PTPA: variants seen among roughly 807,000 people sequenced by gnomAD.
PTPA encodes serine/threonine-protein phosphatase 2A activator.
Under a neutral mutation model 43.6 loss-of-function variants are expected in PTPA, and 13 were observed. The observed-to-expected ratio is 0.30, with a 90% confidence interval of 0.19 to 0.47. The LOEUF (loss-of-function observed/expected upper bound fraction) is 0.47. Among genes scored for constraint, PTPA ranks in the 20% least tolerant of loss-of-function variants. PTPA has a pLI of 0.99. For synonymous variants in PTPA, 172 were observed against 158.2 expected (o/e 1.09, Z -0.66); for missense variants, 329 against 411.9 (o/e 0.80, Z 1.74).
chr9:129,131,838 C>G (rs1437593199), intron 5 of PTPA, among the ~76,000 whole-genome samples, 199 bp downstream of exon 5: 1 of 152,226 alleles, frequency 6.6e-6, no homozygotes, highest in East Asian at 1.9e-4. Flanking sequence ...CCGGATGCTG[C>G]AGCTCTGCTG....
intron 6 of PTPA, 28 bp downstream of exon 6, chr9:129,134,922 G>C (rs748652436): frequency 6.4e-7 from 1 of 1,569,130 alleles, no homozygotes; most frequent in Non-Finnish European, 8.8e-7. Flanking sequence ...AGGGTTGGAG[G>C]AGGGGGCGTG....
chr9:129,123,869 G>C (rs1308431854), intron 3 of PTPA, among the ~76,000 whole-genome samples: 2 of 152,002 alleles, frequency 1.3e-5, no homozygotes, highest in Non-Finnish European at 2.9e-5. Flanking sequence ...TTTTAGTAGA[G>C]ACGGGGTTTC....
intron 9 of PTPA, chr9:129,143,496 C>G (rs1851053647): frequency 2.6e-5 from 18 of 699,270 alleles, no homozygotes; most frequent in South Asian, 2.4e-4. Context: ...CCCAGAGCTT[C>G]CTGGATCCCA....
At chr9:129,142,955 C>T in intron 9 of PTPA, 1 of 1,404,182 alleles carries the variant, frequency 7.1e-7, no homozygotes, top group Non-Finnish European at 9.3e-7. Context: ...GAGGCATCTC[C>T]AAAGTGCTGC....
At chr9:129,145,341 A>G (rs1235015906) in intron 9 of PTPA, among the ~76,000 whole-genome samples, 2 of 152,170 alleles carry the variant, frequency 1.3e-5, no homozygotes, top group African/African-American at 2.4e-5. Context: ...GAAAAAAAAA[A>G]AAAAAGATCA....
At chr9:129,125,633 A>C (rs780140733) in intron 3 of PTPA, among the ~76,000 whole-genome samples, 2 of 152,092 alleles carry the variant, frequency 1.3e-5, no homozygotes, top group Non-Finnish European at 2.9e-5. Context: ...CTAGTTTCAT[A>C]ACTTGTGAAT....
At chr9:129,136,794 G>T (rs930222516) in intron 7 of PTPA, among the ~76,000 whole-genome samples, 199 bp downstream of exon 7, 1 of 152,258 alleles carries the variant, frequency 6.6e-6, no homozygotes, top group Non-Finnish European at 1.5e-5. Flanking sequence ...CCGTGTGGTG[G>T]GCTGGAGGAG....
intron 3 of PTPA, among the ~76,000 whole-genome samples, chr9:129,126,724 G>C (rs1481551760): frequency 6.6e-6 from 1 of 152,130 alleles, no homozygotes; most frequent in Non-Finnish European, 1.5e-5. Context: ...GTTGTTCTTT[G>C]TGCCTCGAAG....
intron 9 of PTPA, among the ~76,000 whole-genome samples, chr9:129,145,995 T>G (rs1851273545): frequency 6.6e-6 from 1 of 150,796 alleles, no homozygotes; most frequent in Non-Finnish European, 1.5e-5. Flanking sequence ...TGGGGTCCTG[T>G]GGGCAGAATG....
At chr9:129,146,179 G>A (rs1301708634) in intron 9 of PTPA, among the ~76,000 whole-genome samples, 2 of 152,158 alleles carry the variant, frequency 1.3e-5, no homozygotes, top group Admixed American at 1.3e-4. Context: ...CCTCTGGCCT[G>A]GATCTGCGGC....
At chr9:129,118,246 G>T (rs1404368515) in intron 1 of PTPA, among the ~76,000 whole-genome samples, 1 of 151,292 alleles carries the variant, frequency 6.6e-6, no homozygotes, top group Non-Finnish European at 1.5e-5. Context: ...TAGAGATGGG[G>T]TTTCACCTTG....
At chr9:129,142,980 G>C (rs1851003650) in intron 9 of PTPA, 2 of 1,334,980 alleles carry the variant, frequency 1.5e-6, no homozygotes, top group South Asian at 1.5e-5. Flanking sequence ...AAATGTTAGT[G>C]TGTATGATCA....
chr9:129,137,678 C>T lies in PTPA; in HGVS notation c.772C>T (p.Leu258=). 2.5e-6 allele frequency: 4 copies of T among 1,606,278 alleles called. No homozygotes were observed. The highest frequency in any genetic ancestry group is 3.4e-6 in the Non-Finnish European group (4 of 1,175,098). Residue 258 remains leucine (L), a synonymous_variant, in exon 8 of 10, where the codon CTG becomes TTG. Coordinates refer to ENST00000393370, the MANE Select transcript of PTPA (RefSeq NM_178000.3). ...HKDYMFLECI[L]FITEMKTGPF... is the part of the protein sequence containing the mutation. ...GGACTACATGTTCCTGGAGTGTATCCTGTTTATTACCGAGGTGAGGAGGAG... is the reference window on the plus strand; with the variant it reads ...GGACTACATGTTCCTGGAGTGTATCTTGTTTATTACCGAGGTGAGGAGGAG...
At position 129,120,753 on chromosome 9, in the gene PTPA, G is replaced by A. The variant is rs1200769303; in HGVS notation, c.129+143G>A. The A allele has an allele frequency of 8.9e-6, 6 of 671,856 alleles. No individual in the cohort carries two copies. In the Admixed American group the frequency reaches 1.1e-4, roughly 13 times the overall value. 41.6% of individuals were successfully genotyped at this position (671,856 alleles called of 1,614,324 possible). A position where few individuals can be genotyped will look rare whatever the true frequency, so the allele number is the denominator to read the frequency against. The stretch of plus-strand genomic sequence containing the variant: ...AGGGAGAAAGGTGACAGGGGAGCTG[G>A]CTGTCTCTTCCCTTCAGAGGCAGTA... On this transcript the variant is annotated intron_variant, in intron 2 of 9. Transcript: ENST00000393370.
chr9:129,129,261 T>C (rs1588506831), intron 4 of PTPA, 151 bp downstream of exon 4: 1 of 1,167,302 alleles, frequency 8.6e-7, no homozygotes, highest in African/African-American at 1.5e-5. Flanking sequence ...AAATTACAAA[T>C]GAGTTTATAC....
intron 1 of PTPA, chr9:129,111,915 T>TA: frequency 1.5e-6 from 1 of 649,652 alleles, no homozygotes; most frequent in Non-Finnish European, 2.2e-6. Flanking sequence ...GCCGTGGTCA[T>TA]AAGGGGGCCT....
chr9:129,111,125 C>T (rs1023357908), upstream of PTPA: 3 of 1,310,686 alleles, frequency 2.3e-6, no homozygotes, highest in Non-Finnish European at 3.1e-6. Flanking sequence ...CGGGGAATGT[C>T]CTCTAATATT....
chr9:129,128,670 T>C (rs1340722757), intron 3 of PTPA, among the ~76,000 whole-genome samples: 1 of 152,222 alleles, frequency 6.6e-6, no homozygotes, highest in African/African-American at 2.4e-5. Context: ...CCATAAAGTC[T>C]TTTTAAAAAG....
At chr9:129,137,189 C>T (rs1850428772) in intron 7 of PTPA, among the ~76,000 whole-genome samples, 1 of 152,204 alleles carries the variant, frequency 6.6e-6, no homozygotes, top group Admixed American at 6.5e-5. Flanking sequence ...TTAGTTGTGG[C>T]CTCGGGTGCA....
Sources: allele counts gnomAD v4.1 joint callset (sites outside exome capture counted in the v4.1 genomes callset), GRCh38; gene constraint gnomAD v4.1.1; transcripts MANE v1.5; gene names NCBI Gene and HGNC (gene_info 2026-07-23, HGNC 2026-07-21).